MYT1: variants seen among roughly 807,000 people sequenced by gnomAD.
MYT1 encodes the protein myelin transcription factor 1.
MYT1 carries 23 observed loss-of-function variants against 123.0 expected under a neutral mutation model. The observed-to-expected ratio is 0.19, with a 90% confidence interval of 0.13 to 0.26. The LOEUF (loss-of-function observed/expected upper bound fraction) is 0.26, where lower values mean the gene tolerates loss of function less well. Among genes scored for constraint, MYT1 ranks in the 10% least tolerant of loss-of-function variants. The probability of loss-of-function intolerance (pLI) is 1.00; values close to 1 mark genes in which losing one functional copy is unlikely to be tolerated. For missense variants in MYT1, 1,125 were observed against 1,472.5 expected (o/e 0.76, Z 3.86); for synonymous variants, 518 against 575.3 (o/e 0.90, Z 1.43).
rs2145702510 is a variant in MYT1 at position 64,189,436 on chromosome 20, A to G, written c.-98-627A>G. Among the ~76,000 whole-genome samples, 1 of 152,282 alleles carries G rather than the reference A, an allele frequency of 6.6e-6. No homozygotes were observed. The highest frequency in any genetic ancestry group is 1.5e-5 in the Non-Finnish European group (1 of 68,020). ...GAATTTATGTGAGGAATTAAATATTAACTGGAGGCATTGCCCTGGAGAGAG... is the reference window on the plus strand; with the variant it reads ...GAATTTATGTGAGGAATTAAATATTGACTGGAGGCATTGCCCTGGAGAGAG... On this transcript the variant is annotated intron_variant, in intron 1 of 22. Transcript: ENST00000328439. The surrounding 1 kb of genome is among the most constrained non-coding windows in gnomAD (Gnocchi z 5.5).
At chr20:64,184,563 C>T (rs947564562) in intron 1 of MYT1, among the ~76,000 whole-genome samples, 14 of 152,154 alleles carry the variant, frequency 9.2e-5, no homozygotes, top group African/African-American at 2.7e-4. Context: ...AGAAGTGTGT[C>T]GTCCAACTTT....
intron 22 of MYT1, among the ~76,000 whole-genome samples, chr20:64,240,110 T>C (rs928376504): frequency 6.6e-6 from 1 of 151,696 alleles, no homozygotes; most frequent in Non-Finnish European, 1.5e-5. Flanking sequence ...CCATAAAGAG[T>C]AGCTAATGAA....
At position 64,236,628 on chromosome 20, in the gene MYT1, A is replaced by C. The variant is rs754315627; in HGVS notation, c.2971A>C (p.Lys991Gln). ...GTCAGGGGATGAGGTCCTCAGTCCA[A>C]AGTTCAAGACTAGCGACGGTAAGGA... ...KLSGDEVLSP[K>Q]FKTSDVLEND... is the part of the protein sequence containing the mutation. Residue 991 changes from lysine (K) to glutamine (Q), a missense_variant, in exon 20 of 23, where the codon AAG becomes CAG. By Grantham distance (53) the Lys-to-Gln change is moderately conservative. This residue lies in a region of MYT1 where 243 missense variants were observed against 323.1 expected (regional missense o/e 0.75). Coordinates refer to ENST00000328439, the MANE Select transcript of MYT1 (RefSeq NM_004535.3). 7.4e-6 allele frequency: 12 copies of C among 1,613,720 alleles called. No homozygotes were observed. The highest frequency in any genetic ancestry group is 1.0e-5 in the Non-Finnish European group (12 of 1,179,814).
At chr20:64,215,959 A>G (rs1323770155) in intron 10 of MYT1, among the ~76,000 whole-genome samples, 1 of 152,056 alleles carries the variant, frequency 6.6e-6, no homozygotes, top group Non-Finnish European at 1.5e-5. Flanking sequence ...TCTATCTGCC[A>G]CTGGGGTCAG....
At chr20:64,198,391 C>G (rs986732509) in intron 2 of MYT1, among the ~76,000 whole-genome samples, 1 of 151,110 alleles carries the variant, frequency 6.6e-6, no homozygotes, top group African/African-American at 2.4e-5. Flanking sequence ...AGCCACTGGA[C>G]GACCCAGCAC....
intron 21 of MYT1, among the ~76,000 whole-genome samples, chr20:64,239,484 T>A (rs1326166826): frequency 1.3e-5 from 2 of 152,022 alleles, no homozygotes. Context: ...GGGTTTCAGT[T>A]CCATCTAGAA....
rs557370474 is a variant in MYT1, at chr20:64,217,118, G to T, written c.1683G>T (p.Arg561=). ...AGGTCCCTCCATATGGGAGCTACCGGCCCAACGTGGCCCCCGCCACACCCA... is the reference window on the plus strand; with the variant it reads ...AGGTCCCTCCATATGGGAGCTACCGTCCCAACGTGGCCCCCGCCACACCCA... ...QLEVPPYGSY[R]PNVAPATPRA... The change falls in exon 11 of 23, where the codon CGG becomes CGT. Residue 561 remains arginine (R), a synonymous_variant. Coordinates refer to ENST00000328439, the MANE Select transcript of MYT1 (RefSeq NM_004535.3). 1 of 1,614,034 alleles carries T rather than the reference G, an allele frequency of 6.2e-7. No individual in the cohort carries two copies. Among genetic ancestry groups the T allele is most frequent in the Non-Finnish European group, 8.5e-7 (1 of 1,180,014 alleles).
chr20:64,200,624 G>A (rs1983266175), intron 4 of MYT1, among the ~76,000 whole-genome samples: 1 of 152,184 alleles, frequency 6.6e-6, no homozygotes, highest in African/African-American at 2.4e-5. Context: ...GGGAGTTGGG[G>A]TGCTGCAAGC....
At chr20:64,228,036 T>C in intron 18 of MYT1, 65 bp downstream of exon 18, 4 of 1,505,536 alleles carry the variant, frequency 2.7e-6, no homozygotes, top group Non-Finnish European at 3.7e-6. Context: ...TGTTTTATAA[T>C]GTAAAAAAAC....
chr20:64,166,965 G>A lies in MYT1; in HGVS notation c.-99+2226G>A, dbSNP rs568192042. Among the ~76,000 whole-genome samples the A allele has an allele frequency of 2.0e-5, 3 of 152,104 alleles. No individual in the cohort carries two copies. The highest frequency in any genetic ancestry group is 4.4e-5 in the Non-Finnish European group (3 of 68,020). ...TGTCCCTGCTGTGGATGTGGTGGGC[G>A]CTCTCCCTGGTGCTGCTCAGAGACT... is the stretch of plus-strand genomic sequence containing the variant. On this transcript the variant is annotated intron_variant, in intron 1 of 22. Transcript: ENST00000328439. The surrounding 1 kb of genome is among the most constrained non-coding windows in gnomAD (Gnocchi z 4.9).
Position 64,232,227 on chromosome 20 carries a change from C to T in MYT1, c.2739C>T (p.Ser913=), listed in dbSNP as rs41279352. The change falls in exon 19 of 23, where the codon AGC becomes AGT. Residue 913 remains serine, a synonymous_variant. Coordinates refer to ENST00000328439, the MANE Select transcript of MYT1 (RefSeq NM_004535.3). This position sits in a 1 kb window ranked among gnomAD's most constrained non-coding sequence, Gnocchi z 6.9. ...GCGGGAAATACGCCTCTCACAGGAGCGCATCCGGCTGCCCACTGGCCGCCC... is the reference window on the plus strand; with the variant it reads ...GCGGGAAATACGCCTCTCACAGGAGTGCATCCGGCTGCCCACTGGCCGCCC... ...HISGKYASHR[S]ASGCPLAARR... The T allele has an allele frequency of 0.051, 81,892 of 1,613,108 alleles. 2,535 individuals carry two copies. The highest frequency in any genetic ancestry group is 0.098 in the South Asian group (8,930 of 91,080).
chr20:64,228,883 G>T (rs114841293), intron 18 of MYT1, among the ~76,000 whole-genome samples: 1 of 152,170 alleles, frequency 6.6e-6, no homozygotes, highest in African/African-American at 2.4e-5. Flanking sequence ...GGGCCGGCTC[G>T]GTCGGGACGG....
chr20:64,220,030 G>T, intron 13 of MYT1, 48 bp downstream of exon 13: 1 of 1,435,944 alleles, frequency 7.0e-7, no homozygotes, highest in Non-Finnish European at 9.2e-7. Flanking sequence ...CAGCCAGCTT[G>T]CCCTGCCTGA....
At chr20:64,198,982 G>A in intron 3 of MYT1, 66 bp downstream of exon 3, 1 of 1,551,290 alleles carries the variant, frequency 6.4e-7, no homozygotes, top group African/African-American at 1.4e-5. Context: ...TTCCTCAGGA[G>A]CACAAACCCC....
rs1258286315 is a variant in MYT1, at chr20:64,190,317, A to G, written c.-1+157A>G. The stretch of plus-strand genomic sequence containing the variant: ...TGAAGGGTAAATGGGGACTAGGATC[A>G]GCAATGATCCGGTCACTTTAAAATT... On this transcript the variant is annotated intron_variant, in intron 2 of 22. Coordinates refer to ENST00000328439, the MANE Select transcript of MYT1 (RefSeq NM_004535.3). This position sits in a 1 kb window ranked among gnomAD's most constrained non-coding sequence, Gnocchi z 4.1. Among the ~76,000 whole-genome samples the G allele has an allele frequency of 6.6e-6, 1 of 152,266 alleles. No homozygotes were observed. The highest frequency in any genetic ancestry group is 1.5e-5 in the Non-Finnish European group (1 of 68,044).
intron 17 of MYT1, 62 bp from the exon 18 acceptor site, chr20:64,227,826 A>G (rs6089798): frequency 0.13 from 161,676 of 1,205,702 alleles, 10,336 homozygotes; most frequent in Middle Eastern, 0.16. Flanking sequence ...GGGTGAGATG[A>G]ACGGGTGTGA....
chr20:64,194,721 G>A (rs1014808373), intron 2 of MYT1, among the ~76,000 whole-genome samples: 2 of 152,336 alleles, frequency 1.3e-5, no homozygotes, highest in Admixed American at 1.3e-4. Flanking sequence ...CTGAGCTGGG[G>A]CCCGGGAAGG....
intron 1 of MYT1, among the ~76,000 whole-genome samples, chr20:64,173,426 T>C (rs1982348654): frequency 6.6e-6 from 1 of 152,132 alleles, no homozygotes; most frequent in African/African-American, 2.4e-5. Context: ...AGGGAGCCCA[T>C]ACCCCAGTGC....
At chr20:64,180,826 C>T (rs1982633265) in intron 1 of MYT1, among the ~76,000 whole-genome samples, 1 of 152,236 alleles carries the variant, frequency 6.6e-6, no homozygotes, top group African/African-American at 2.4e-5. Context: ...TGTTATGTCT[C>T]ATACAAGATT....
Sources: gnomAD v4.1 joint callset for allele counts (sites outside exome capture counted in the v4.1 genomes callset) on GRCh38, gnomAD v4.1.1 for gene constraint, gnomAD v4.1.1 regional missense constraint, Gnocchi (gnomAD v3.1) non-coding constraint, MANE v1.5 for transcripts, NCBI Gene and HGNC (gene_info 2026-07-23, HGNC 2026-07-21) for gene names.